The following IPP variants were observed in gnomAD, a reference collection of about 807,000 sequenced individuals.
IPP encodes the protein actin-binding protein IPP.
In IPP, 41 loss-of-function variants were observed where a neutral mutation model predicts 64.1. The observed-to-expected ratio is 0.64, with a 90% CI of 0.50 to 0.83. The LOEUF is 0.83. IPP is among the 40% of genes least tolerant of loss of function. IPP has a pLI of 0.00. For synonymous variants in IPP, 214 were observed against 235.2 expected (o/e 0.91, Z 0.83); for missense variants, 649 against 703.0 (o/e 0.92, Z 0.87).
intron 8 of IPP, among the ~76,000 whole-genome samples, 199 bp downstream of exon 8, chr1:45,714,047 T>G (rs1645625627): frequency 1.3e-5 from 2 of 151,196 alleles, no homozygotes; most frequent in African/African-American, 4.9e-5. Flanking sequence ...AATGGAAAAG[T>G]AAGAACAGAA....
downstream of IPP, among the ~76,000 whole-genome samples, chr1:45,697,587 T>G (rs1044518026): frequency 6.6e-6 from 1 of 152,130 alleles, no homozygotes; most frequent in Non-Finnish European, 1.5e-5. Flanking sequence ...GCTACCTAAT[T>G]CATTAATGCA....
chr1:45,738,822 A>T (rs1415990904), intron 3 of IPP, among the ~76,000 whole-genome samples: 2 of 145,412 alleles, frequency 1.4e-5, no homozygotes, highest in Non-Finnish European at 3.0e-5. Flanking sequence ...CCTGGGTGAC[A>T]GAGCAAGACT....
chr1:45,712,116 G>C (rs1645598219), intron 8 of IPP, among the ~76,000 whole-genome samples: 2 of 151,904 alleles, frequency 1.3e-5, no homozygotes, highest in Non-Finnish European at 2.9e-5. Context: ...ATGAGTTCGA[G>C]ACCAGTCTGG....
chr1:45,703,224 GACT>G (rs1645476896), intron 8 of IPP, among the ~76,000 whole-genome samples: 1 of 150,524 alleles, frequency 6.6e-6, no homozygotes, highest in African/African-American at 2.4e-5. Context: ...GAGGAGCTGG[GACT>G]ACAGGCGTGC....
Position 45,714,426 on chromosome 1 carries a change from T to C in IPP, c.1350A>G (p.Ile450Met), listed in dbSNP as rs1212964273. The change falls in exon 8 of 9, where the codon ATA becomes ATG. Residue 450 changes from isoleucine to methionine, a missense_variant. By Grantham distance (10) the Ile-to-Met change is conservative. Coordinates refer to ENST00000396478, the MANE Select transcript of IPP (RefSeq NM_005897.3). The stretch of plus-strand genomic sequence containing the variant: ...CATAGACTTCAAAAGAACGAAGTTC[T>C]ATTCCTTCATTGCTGATGCCCCCAA... The part of the protein sequence containing the change: ...YVIGGISNEG[I>M]ELRSFEVYDP... 1 of 1,613,940 alleles carries C rather than the reference T, an allele frequency of 6.2e-7. No homozygotes were observed. Among genetic ancestry groups the C allele is most frequent in the Admixed American group, 1.7e-5 (1 of 60,030 alleles).
chr1:45,700,208 A>C lies in IPP; in HGVS notation c.1531-18T>G, dbSNP rs1426712418. 6.3e-7 allele frequency: 1 copy of C among 1,595,822 alleles called. No homozygotes were observed. Among genetic ancestry groups the C allele is most frequent in the East Asian group, 2.2e-5 (1 of 44,768 alleles). ...CACTTTTCCTGGTTAAGAGAGAAAA[A>C]AAAAATATGTTAGCAGTGTTATGAA... On this transcript the variant is annotated intron_variant, in intron 8 of 8. Coordinates refer to ENST00000396478, the MANE Select transcript of IPP (RefSeq NM_005897.3).
At chr1:45,726,724 C>CTTTTT (rs58547972) in intron 5 of IPP, among the ~76,000 whole-genome samples, 1 of 135,360 alleles carries the variant, frequency 7.4e-6, no homozygotes, top group African/African-American at 2.7e-5. Flanking sequence ...TTTGATGCCA[C>CTTTTT]TTTTTTTTTT....
At chr1:45,713,296 C>T (rs1189797640) in intron 8 of IPP, among the ~76,000 whole-genome samples, 1 of 152,120 alleles carries the variant, frequency 6.6e-6, no homozygotes, top group Non-Finnish European at 1.5e-5. Context: ...TGCAGTGGCT[C>T]ATGCCTGTAA....
chr1:45,719,561 A>G (rs1247694434), intron 5 of IPP, among the ~76,000 whole-genome samples: 4 of 152,154 alleles, frequency 2.6e-5, no homozygotes, highest in Non-Finnish European at 4.4e-5. Context: ...CAATTTTCCT[A>G]TTATCTATTT....
chr1:45,696,721 G>C (rs528134495), downstream of IPP: 1 of 152,226 alleles, frequency 6.6e-6, no homozygotes, highest in East Asian at 1.9e-4. Context: ...CAAAGGTTGC[G>C]GTGAGCCAAG....
In IPP at chr1:45,741,089, G is replaced by T. The variant is rs375935974; in HGVS notation, c.536C>A (p.Thr179Lys). 3 of 1,613,868 alleles carry T rather than the reference G, an allele frequency of 1.9e-6. No homozygotes were observed. In the African/African-American group the frequency reaches 4.0e-5, roughly 22 times the overall value. The change falls in exon 3 of 9, where the codon ACG (threonine) becomes AAG (lysine). Residue 179 changes from threonine (T) to lysine (K), a missense_variant. Physicochemically the swap from Thr to Lys is moderately conservative, Grantham distance 78 (BLOSUM62 -1). Transcript: ENST00000396478. ...CAAAATTTTGATCAGCTGATCTTTC[G>T]TAAGTGCCAGGAACTCTTCTCCACT... ...VHSGEEFLALTKDQLIKILRS... is the reference protein window; with the variant it reads ...VHSGEEFLALKKDQLIKILRS...
At chr1:45,704,658 C>A (rs769214965) in intron 8 of IPP, among the ~76,000 whole-genome samples, 1 of 152,182 alleles carries the variant, frequency 6.6e-6, no homozygotes, top group Non-Finnish European at 1.5e-5. Flanking sequence ...AATATAACTG[C>A]ACAAATAGAT....
chr1:45,716,726 A>G (rs527920607), intron 7 of IPP, among the ~76,000 whole-genome samples, 169 bp downstream of exon 7: 5 of 152,246 alleles, frequency 3.3e-5, no homozygotes, highest in Non-Finnish European at 5.9e-5. Flanking sequence ...TTTTAGCAAT[A>G]CAGAAATAAA....
intron 5 of IPP, 129 bp from the exon 6 acceptor site, chr1:45,719,469 A>C (rs954319340): frequency 7.0e-6 from 4 of 569,862 alleles, no homozygotes; most frequent in African/African-American, 3.8e-5. Context: ...TATACTATTC[A>C]TTAACTTTCA....
At position 45,731,887 on chromosome 1, in the gene IPP, T is replaced by C. The variant is rs1471453619; in HGVS notation, c.725-2118A>G. The stretch of plus-strand genomic sequence containing the variant: ...GGAGGCAAAGGTTGCGGTGAGCCAA[T>C]ATCACGGCCACTGCACTCCAGCCTG... On this transcript the variant is annotated intron_variant, in intron 3 of 8. Coordinates refer to ENST00000396478, the MANE Select transcript of IPP (RefSeq NM_005897.3). Among the ~76,000 whole-genome samples, 6 of 147,826 alleles carry C rather than the reference T, an allele frequency of 4.1e-5. No individual in the cohort carries two copies. In the Admixed American group the frequency reaches 4.1e-4, roughly 10 times the overall value.
downstream of IPP, chr1:45,697,073 A>G (rs1403741853): frequency 2.0e-5 from 3 of 152,144 alleles, no homozygotes; most frequent in Admixed American, 6.5e-5. Context: ...TCTATAAATT[A>G]TCTTTATTCT....
At chr1:45,731,242 A>G (rs935045341) in intron 3 of IPP, among the ~76,000 whole-genome samples, 2 of 151,932 alleles carry the variant, frequency 1.3e-5, no homozygotes, top group African/African-American at 4.8e-5. Flanking sequence ...GGAGTTCAAG[A>G]CCAGCCTGGG....
At chr1:45,724,894 G>A (rs1439513953) in intron 5 of IPP, among the ~76,000 whole-genome samples, 1 of 149,496 alleles carries the variant, frequency 6.7e-6, no homozygotes, top group African/African-American at 2.5e-5. Flanking sequence ...AGGTGGGGGG[G>A]GTCAGCCCCC....
intron 3 of IPP, among the ~76,000 whole-genome samples, chr1:45,731,354 T>C (rs774262623): frequency 2.6e-5 from 4 of 151,996 alleles, no homozygotes; most frequent in Non-Finnish European, 4.4e-5. Flanking sequence ...GGAGGGAGGA[T>C]CACTTGAGCC....
Sources: gnomAD v4.1 joint callset for allele counts (sites outside exome capture counted in the v4.1 genomes callset) on GRCh38, gnomAD v4.1.1 for gene constraint, MANE v1.5 for transcripts, NCBI Gene and HGNC (gene_info 2026-07-23, HGNC 2026-07-21) for gene names.